Variants in PDE5A observed in about 807,000 individuals in gnomAD.
The protein encoded by PDE5A is cGMP-specific 3',5'-cyclic phosphodiesterase.
A neutral mutation model predicts 110.2 loss-of-function variants in PDE5A; 67 were observed. The ratio of observed to expected loss-of-function variants is 0.61; its 90% CI spans 0.50 to 0.75. The LOEUF (loss-of-function observed/expected upper bound fraction) is 0.75, where lower values mean the gene tolerates loss of function less well. Among genes scored for constraint, PDE5A ranks in the 30% least tolerant of loss-of-function variants. The pLI is 0.00. For missense variants in PDE5A, 862 were observed against 1,045.1 expected (o/e 0.82, Z 2.42); for synonymous variants, 328 against 351.2 (o/e 0.93, Z 0.74).
Position 119,627,033 on chromosome 4 carries a change from A to G in PDE5A, c.152+1487T>C. On this transcript the variant is annotated intron_variant, in intron 1 of 20. Transcript: ENST00000354960. The surrounding 1 kb of genome is among the most constrained non-coding windows in gnomAD (Gnocchi z 4.6). ...AACAACAACAAAAGTTATACAGTCA[A>G]TTTTCAATGATACATCGTCCCACTG... The G allele has an allele frequency of 3.4e-6, 4 of 1,181,454 alleles. No individual in the cohort carries two copies. Among genetic ancestry groups the G allele is most frequent in the Non-Finnish European group, 4.9e-6 (4 of 811,950 alleles). The allele number at this position is 1,181,454 out of a possible 1,614,324, so 73.2% of individuals were successfully genotyped here.
In PDE5A at chr4:119,519,363, C is replaced by T. The variant is rs1726034383; in HGVS notation, c.1906-224G>A. 3 of 440,780 alleles carry T rather than the reference C, an allele frequency of 6.8e-6. No individual in the cohort carries two copies. The South Asian group carries it at 1.9e-4, about 27-fold the overall frequency. 27.3% of individuals were successfully genotyped at this position (440,780 alleles called of 1,614,324 possible). A position where few individuals can be genotyped will look rare whatever the true frequency, so the allele number is the denominator to read the frequency against. On this transcript the variant is annotated intron_variant, in intron 13 of 20. Coordinates refer to ENST00000354960, the MANE Select transcript of PDE5A (RefSeq NM_001083.4). ...AAATGTCACTTATCAACAGGAAAAG[C>T]TGAAATGCCTCAATAAATTAATAAT...
intron 1 of PDE5A, among the ~76,000 whole-genome samples, chr4:119,622,429 A>G (rs1434677726): frequency 1.3e-5 from 2 of 152,208 alleles, no homozygotes; most frequent in Non-Finnish European, 2.9e-5. Context: ...TTATTCAGAG[A>G]AGAAAATTTG....
chr4:119,587,980 T>C (rs1728824395), intron 3 of PDE5A, among the ~76,000 whole-genome samples: 1 of 152,162 alleles, frequency 6.6e-6, no homozygotes, highest in East Asian at 1.9e-4. Context: ...ATTTATGTGG[T>C]TCCTCTCTTG....
chr4:119,507,732 A>T (rs1287405633), intron 15 of PDE5A, 28 bp from the exon 16 acceptor site: 1 of 1,426,892 alleles, frequency 7.0e-7, no homozygotes, highest in Non-Finnish European at 9.7e-7. Context: ...ACCAGTATTA[A>T]CATCCTGGAG....
chr4:119,506,058 GC>G (rs1725543434), intron 16 of PDE5A, 126 bp from the exon 17 acceptor site: 1 of 466,314 alleles, frequency 2.1e-6, no homozygotes, highest in Non-Finnish European at 3.8e-6. Flanking sequence ...CCATCTTAGA[GC>G]CCACTATAAA....
chr4:119,588,183 T>G (rs188826629), intron 3 of PDE5A, among the ~76,000 whole-genome samples: 87 of 150,618 alleles, frequency 5.8e-4, no homozygotes, highest in African/African-American at 2.1e-3. Flanking sequence ...TTTTTTTTTT[T>G]TTTTTGAGAC....
chr4:119,587,192 G>A (rs1316375560), intron 3 of PDE5A, among the ~76,000 whole-genome samples: 2 of 151,130 alleles, frequency 1.3e-5, no homozygotes, highest in Non-Finnish European at 1.5e-5. Context: ...AGAATACTGT[G>A]GGGAATAAAT....
chr4:119,515,918 C>T (rs1435745554), intron 14 of PDE5A, among the ~76,000 whole-genome samples: 5 of 151,998 alleles, frequency 3.3e-5, no homozygotes, highest in African/African-American at 1.2e-4. Flanking sequence ...CTCCTTTTTC[C>T]CACCCATATC....
At chr4:119,581,740 G>A (rs1288333493) in intron 3 of PDE5A, among the ~76,000 whole-genome samples, 2 of 152,170 alleles carry the variant, frequency 1.3e-5, no homozygotes, top group Non-Finnish European at 2.9e-5. Flanking sequence ...TGTGGGTTTG[G>A]TTTCAGACAA....
At chr4:119,547,832 A>C (rs1727186180) in intron 9 of PDE5A, among the ~76,000 whole-genome samples, 1 of 151,950 alleles carries the variant, frequency 6.6e-6, no homozygotes, top group South Asian at 2.1e-4. Context: ...GAAACGACTG[A>C]CTTTATGTTG....
At position 119,607,170 on chromosome 4, in the gene PDE5A, G is replaced by C; in HGVS notation, c.280C>G (p.Pro94Ala). Residue 94 changes from proline to alanine, a missense_variant, in exon 2 of 21, where the codon CCT (proline) becomes GCT (alanine). Pro to Ala is a conservative substitution (Grantham distance 27). Coordinates refer to ENST00000354960, the MANE Select transcript of PDE5A (RefSeq NM_001083.4). The stretch of plus-strand genomic sequence containing the variant: ...GAGATTTTCCTGGTTGGTGTTCCAG[G>C]GGCACTGTTATCTGCACGAGGACTC... ...QQSPRADNSA[P>A]GTPTRKISAS... 1 of 1,614,098 alleles carries C rather than the reference G, an allele frequency of 6.2e-7. No homozygotes were observed.
At chr4:119,621,260 C>T (rs1244205622) in intron 1 of PDE5A, among the ~76,000 whole-genome samples, 1 of 152,124 alleles carries the variant, frequency 6.6e-6, no homozygotes, top group Non-Finnish European at 1.5e-5. Context: ...GGGAATGTAC[C>T]CTCCCCAATG....
At position 119,562,393 on chromosome 4, in the gene PDE5A, A is replaced by G. The variant is rs139325448; in HGVS notation, c.1131+440T>C. 3.0e-4 allele frequency among the ~76,000 whole-genome samples: 45 copies of G among 152,304 alleles called. No homozygotes were observed. In the East Asian group the frequency reaches 7.9e-3, roughly 27 times the overall value. On this transcript the variant is annotated intron_variant, in intron 6 of 20. Coordinates refer to ENST00000354960, the MANE Select transcript of PDE5A (RefSeq NM_001083.4). The stretch of plus-strand genomic sequence containing the variant: ...CTACTGGCTATGCCTTTTGGTTTCT[A>G]TACAATTTCTAGTAAGAAGAAATTT...
chr4:119,570,318 A>ACT (rs1451876918), intron 3 of PDE5A, among the ~76,000 whole-genome samples: 1 of 152,076 alleles, frequency 6.6e-6, no homozygotes, highest in African/African-American at 2.4e-5. Context: ...GACAGCTTTT[A>ACT]CTCTAAGTAT....
intron 11 of PDE5A, among the ~76,000 whole-genome samples, chr4:119,530,727 A>G (rs1726501336): frequency 1.3e-5 from 2 of 152,082 alleles, no homozygotes; most frequent in Non-Finnish European, 2.9e-5. Flanking sequence ...GGGTTTTTAA[A>G]TCATCTAGTA....
At chr4:119,546,696 G>T (rs1241590704) in intron 9 of PDE5A, among the ~76,000 whole-genome samples, 1 of 123,376 alleles carries the variant, frequency 8.1e-6, no homozygotes, top group Non-Finnish European at 1.6e-5. Flanking sequence ...AATCTAATCT[G>T]GGAGACTTGA....
At chr4:119,586,972 T>C (rs950667580) in intron 3 of PDE5A, among the ~76,000 whole-genome samples, 1 of 152,192 alleles carries the variant, frequency 6.6e-6, no homozygotes, top group Non-Finnish European at 1.5e-5. Context: ...ACTTGGGGAT[T>C]TCACATATTA....
chr4:119,498,382 A>T lies in PDE5A; in HGVS notation c.*219T>A. ...AATGTGCTAACAGTGGATGTTGTTG[A>T]TCCTTTCAGTTCAGTAGCATAAAAC... On this transcript the variant is annotated 3_prime_UTR_variant, in exon 21 of 21. Coordinates refer to ENST00000354960, the MANE Select transcript of PDE5A (RefSeq NM_001083.4). 2 of 499,602 alleles carry T rather than the reference A, an allele frequency of 4.0e-6. No individual in the cohort carries two copies. Among genetic ancestry groups the T allele is most frequent in the South Asian group, 7.0e-5 (2 of 28,640 alleles). The allele number at this position is 499,602 out of a possible 1,614,324, so 30.9% of individuals were successfully genotyped here. A position where few individuals can be genotyped will look rare whatever the true frequency, so the allele number is the denominator to read the frequency against.
At chr4:119,556,527 G>C (rs923071084) in intron 7 of PDE5A, among the ~76,000 whole-genome samples, 3 of 152,196 alleles carry the variant, frequency 2.0e-5, no homozygotes, top group African/African-American at 7.2e-5. Context: ...TTACAGGAGA[G>C]AGTAATAATA....
Sources: gnomAD v4.1 joint callset for allele counts (sites outside exome capture counted in the v4.1 genomes callset) on GRCh38, gnomAD v4.1.1 for gene constraint, Gnocchi (gnomAD v3.1) non-coding constraint, MANE v1.5 for transcripts, NCBI Gene and HGNC (gene_info 2026-07-23, HGNC 2026-07-21) for gene names.